The following SIDT1 variants were observed in gnomAD, a reference collection of about 807,000 sequenced individuals.
SIDT1 encodes SID1 transmembrane family member 1.
A neutral mutation model predicts 107.5 loss-of-function variants in SIDT1; 101 were observed. That is an observed-to-expected ratio of 0.94 (90% CI 0.80 to 1.11). The LOEUF is 1.11. SIDT1 is among the 50% of genes least tolerant of loss of function. The pLI is 0.00. For missense variants in SIDT1, 1,076 were observed against 1,058.2 expected (o/e 1.02, Z -0.23); for synonymous variants, 395 against 398.2 (o/e 0.99, Z 0.10).
At chr3:113,603,307 T>C (rs1176575084) in intron 12 of SIDT1, among the ~76,000 whole-genome samples, 157 bp downstream of exon 12, 1 of 152,118 alleles carries the variant, frequency 6.6e-6, no homozygotes, top group Non-Finnish European at 1.5e-5. Flanking sequence ...CTAAAAGCAA[T>C]ACTCTGTTAA....
intron 10 of SIDT1, among the ~76,000 whole-genome samples, chr3:113,597,518 A>AAAAAAC: frequency 7.6e-6 from 1 of 132,422 alleles, no homozygotes; most frequent in Non-Finnish European, 1.7e-5. Context: ...AAAAAAAAAA[A>AAAAAAC]AATCATGCTA....
At chr3:113,596,167 C>T (rs1019754850) in intron 10 of SIDT1, among the ~76,000 whole-genome samples, 2 of 152,306 alleles carry the variant, frequency 1.3e-5, no homozygotes, top group East Asian at 3.9e-4. Flanking sequence ...TCCCACTAGA[C>T]TTAATACGGT....
intron 10 of SIDT1, among the ~76,000 whole-genome samples, chr3:113,596,233 A>G (rs3821680): frequency 0.32 from 48,308 of 152,074 alleles, 7,849 homozygotes; most frequent in South Asian, 0.41. Flanking sequence ...TAAGGCTTTC[A>G]CCTTAGACGT....
At chr3:113,535,336 A>C (rs1405760261) in intron 1 of SIDT1, among the ~76,000 whole-genome samples, 1 of 152,214 alleles carries the variant, frequency 6.6e-6, no homozygotes, top group Non-Finnish European at 1.5e-5. Flanking sequence ...TTTTCCAAAA[A>C]TGAACAAATA....
At chr3:113,596,413 A>T (rs1484211529) in intron 10 of SIDT1, among the ~76,000 whole-genome samples, 1 of 152,220 alleles carries the variant, frequency 6.6e-6, no homozygotes, top group Non-Finnish European at 1.5e-5. Context: ...TCTCCATGTT[A>T]GCTCCAACTA....
chr3:113,627,738 G>A lies in SIDT1; in HGVS notation c.*30G>A, dbSNP rs775484066. 2.4e-5 allele frequency: 38 copies of A among 1,606,924 alleles called. No individual in the cohort carries two copies. The highest frequency in any genetic ancestry group is 6.7e-5 in the Admixed American group (4 of 59,954). On this transcript the variant is annotated 3_prime_UTR_variant, in exon 25 of 25. Coordinates refer to ENST00000264852, the MANE Select transcript of SIDT1 (RefSeq NM_017699.3). ...CCAACATTAAGAGAGGGGAGGGAGC[G>A]ATCAATCTTGGTGCTGTTTCACAAA...
At chr3:113,581,960 G>A (rs1462061056) in intron 6 of SIDT1, 1 of 153,888 alleles carries the variant, frequency 6.5e-6, no homozygotes, top group Non-Finnish European at 1.4e-5. Flanking sequence ...TGGTGCGATG[G>A]GACGTGTATC....
At chr3:113,607,945 A>T (rs1348730106) in intron 15 of SIDT1, 149 bp from the exon 16 acceptor site, 4 of 937,422 alleles carry the variant, frequency 4.3e-6, no homozygotes, top group Non-Finnish European at 6.0e-6. Flanking sequence ...GTTAAAGAGG[A>T]TTTCTAATAC....
At chr3:113,552,642 C>A (rs529577538) in intron 1 of SIDT1, among the ~76,000 whole-genome samples, 1 of 152,268 alleles carries the variant, frequency 6.6e-6, no homozygotes, top group African/African-American at 2.4e-5. Flanking sequence ...GTTCTTCCCC[C>A]ACACCACTGC....
At chr3:113,616,723 T>C (rs1946135346) in intron 20 of SIDT1, among the ~76,000 whole-genome samples, 1 of 150,870 alleles carries the variant, frequency 6.6e-6, no homozygotes, top group Admixed American at 6.6e-5. Flanking sequence ...GGAGTTTTGC[T>C]CTTGGCCCAG....
chr3:113,603,973 T>G lies in SIDT1; in HGVS notation c.1277T>G (p.Leu426Arg). 6.2e-7 allele frequency: 1 copy of G among 1,612,298 alleles called. No homozygotes were observed. Among genetic ancestry groups the G allele is most frequent in the Non-Finnish European group, 8.5e-7 (1 of 1,179,042 alleles). Reference protein sequence around the residue: ...NIIRTKMFLYLSDLSRKDRRI... With the variant: ...NIIRTKMFLYRSDLSRKDRRI... ...TTGGCATTCCAGATGTTCCTTTACCTGTCAGATTTGTCCAGGAAGGACCGG... is the reference window on the plus strand; with the variant it reads ...TTGGCATTCCAGATGTTCCTTTACCGGTCAGATTTGTCCAGGAAGGACCGG... Residue 426 changes from leucine (L) to arginine (R), a missense_variant, in exon 13 of 25, where the codon CTG (leucine) becomes CGG (arginine). Leu to Arg is a moderately radical substitution (Grantham distance 102, BLOSUM62 -2). Coordinates refer to ENST00000264852, the MANE Select transcript of SIDT1 (RefSeq NM_017699.3).
At chr3:113,605,234 TG>T (rs1310796593) in intron 14 of SIDT1, among the ~76,000 whole-genome samples, 1 of 145,860 alleles carries the variant, frequency 6.9e-6, no homozygotes, top group Admixed American at 7.2e-5. Context: ...GCAATTCTCC[TG>T]CCTCAGCCTC....
At chr3:113,576,339 CG>C (rs577573746) in intron 3 of SIDT1, among the ~76,000 whole-genome samples, 7 of 152,226 alleles carry the variant, frequency 4.6e-5, no homozygotes, top group African/African-American at 1.7e-4. Flanking sequence ...CTAACCTAAA[CG>C]GAACTAAATC....
At chr3:113,603,369 G>A (rs909185113) in intron 12 of SIDT1, among the ~76,000 whole-genome samples, 1 of 152,056 alleles carries the variant, frequency 6.6e-6, no homozygotes, top group Non-Finnish European at 1.5e-5. Context: ...AGAGCACAGG[G>A]CATTAAAACA....
chr3:113,558,623 C>A (rs1941125534), intron 1 of SIDT1, among the ~76,000 whole-genome samples: 1 of 152,218 alleles, frequency 6.6e-6, no homozygotes, highest in African/African-American at 2.4e-5. Flanking sequence ...CAACACCCTG[C>A]ATATAGGTAG....
intron 21 of SIDT1, among the ~76,000 whole-genome samples, chr3:113,620,754 C>T (rs369504073): frequency 1.2e-4 from 18 of 152,256 alleles, no homozygotes; most frequent in East Asian, 9.7e-4. Flanking sequence ...CTTGACCACC[C>T]TTCTAGCAGA....
In SIDT1 at chr3:113,628,966, T is replaced by A. The variant is rs1398378798; in HGVS notation, c.*1258T>A. On this transcript the variant is annotated 3_prime_UTR_variant, in exon 25 of 25. Coordinates refer to ENST00000264852, the MANE Select transcript of SIDT1 (RefSeq NM_017699.3). ...ACTCTCACACTGTCTGGCAGCTCTG[T>A]GTCTGAGAAGTTCTACATTGACCAG... The A allele has an allele frequency of 2.6e-5, 4 of 152,238 alleles. No individual in the cohort carries two copies. In the East Asian group the frequency reaches 7.7e-4, roughly 29 times the overall value. The allele number at this position is 152,238 out of a possible 1,614,324, so 9.4% of individuals were successfully genotyped here. A position where few individuals can be genotyped will look rare whatever the true frequency, so the allele number is the denominator to read the frequency against.
At chr3:113,541,157 C>T (rs1434292305) in intron 1 of SIDT1, among the ~76,000 whole-genome samples, 1 of 151,844 alleles carries the variant, frequency 6.6e-6, no homozygotes, top group African/African-American at 2.4e-5. Flanking sequence ...CACACACACA[C>T]ACACACACAT....
intron 1 of SIDT1, among the ~76,000 whole-genome samples, chr3:113,554,527 G>A (rs1014495611): frequency 6.6e-6 from 1 of 152,064 alleles, no homozygotes. Flanking sequence ...CCCTGTACAC[G>A]CTCTCTTGCC....
Sources: gnomAD v4.1 joint callset for allele counts (sites outside exome capture counted in the v4.1 genomes callset) on GRCh38, gnomAD v4.1.1 for gene constraint, MANE v1.5 for transcripts, NCBI Gene and HGNC (gene_info 2026-07-23, HGNC 2026-07-21) for gene names.